Variants in FREM1 observed in about 807,000 individuals in gnomAD.
FREM1 encodes the protein FRAS1 related extracellular matrix 1, also known as FRAS1-related extracellular matrix protein 1.
FREM1 carries 220 observed loss-of-function variants against 210.1 expected under a neutral mutation model. The observed-to-expected ratio is 1.05, with a 90% CI of 0.94 to 1.17. The LOEUF (loss-of-function observed/expected upper bound fraction) is 1.17. FREM1 is among the 50% of genes most tolerant of loss of function. The pLI, the probability that FREM1 is intolerant of heterozygous loss-of-function variation, is 0.00. For synonymous variants in FREM1, 1,189 were observed against 980.2 expected (o/e 1.21, Z -3.98); for missense variants, 3,454 against 2,675.5 (o/e 1.29, Z -6.42).
chr9:14,749,363 G>T (rs1437991557), intron 30 of FREM1, among the ~76,000 whole-genome samples: 3 of 151,974 alleles, frequency 2.0e-5, no homozygotes, highest in African/African-American at 7.3e-5. Context: ...AAAGAGGGGA[G>T]GTCCCATTTT....
Position 14,801,794 on chromosome 9 carries a change from C to T in FREM1, c.3552G>A (p.Leu1184=), listed in dbSNP as rs371506251. 4.5e-5 allele frequency: 73 copies of T among 1,613,874 alleles called. No individual in the cohort carries two copies. Among genetic ancestry groups the T allele is most frequent in the Middle Eastern group, 1.6e-4 (1 of 6,080 alleles). Residue 1184 remains leucine (L), a synonymous_variant, in exon 20 of 37, where the codon CTG becomes CTA. Transcript: ENST00000380880. ...GGCGTGGCTTTTGAGTGATGCTGAA[C>T]AGCAGGGCATCCTGGGGAATGTCCA... is the stretch of plus-strand genomic sequence containing the variant. ...VDLDIPQDAL[L]FSITQKPRHG...
rs1257737002 is a variant in FREM1 at position 14,845,845 on chromosome 9, A to C, written c.1393+115T>G. 3 of 1,052,804 alleles carry C rather than the reference A, an allele frequency of 2.8e-6. No individual in the cohort carries two copies. In the African/African-American group the frequency reaches 4.8e-5, roughly 17 times the overall value. The allele number at this position is 1,052,804 out of a possible 1,614,324, so 65.2% of individuals were successfully genotyped here. ...AAGATCTCCAGATTTTCTGCATTTG[A>C]CAATTTCATTGAGAAATTGGGCCCA... On this transcript the variant is annotated intron_variant, in intron 8 of 36. Transcript: ENST00000380880.
At chr9:14,862,378 C>G (rs1830744149) in intron 3 of FREM1, among the ~76,000 whole-genome samples, 1 of 152,148 alleles carries the variant, frequency 6.6e-6, no homozygotes, top group Non-Finnish European at 1.5e-5. Flanking sequence ...ACCAAATATT[C>G]TTAAAAGCAA....
chr9:14,794,720 C>T (rs188893335), intron 21 of FREM1, among the ~76,000 whole-genome samples: 97 of 152,164 alleles, frequency 6.4e-4, no homozygotes, highest in African/African-American at 2.2e-3. Context: ...GGAGATTGGG[C>T]CGGGCGCAGT....
chr9:14,880,898 A>G (rs1042953945), intron 1 of FREM1, among the ~76,000 whole-genome samples: 7 of 152,202 alleles, frequency 4.6e-5, no homozygotes, highest in African/African-American at 1.7e-4. Flanking sequence ...AAAGTCACCA[A>G]TATAATTAGT....
intron 27 of FREM1, among the ~76,000 whole-genome samples, chr9:14,764,980 A>G (rs747460690): frequency 3.9e-5 from 6 of 152,288 alleles, no homozygotes; most frequent in Non-Finnish European, 7.3e-5. Flanking sequence ...TGCAATAATG[A>G]TAAGTCTGTA....
intron 10 of FREM1, 26 bp downstream of exon 10, chr9:14,841,421 G>A: frequency 6.4e-7 from 1 of 1,551,714 alleles, no homozygotes; most frequent in Non-Finnish European, 8.8e-7. Context: ...AAGACTTTGG[G>A]AAAGTGTTCA....
chr9:14,818,563 T>A (rs1004453712), intron 14 of FREM1, among the ~76,000 whole-genome samples: 2 of 152,338 alleles, frequency 1.3e-5, no homozygotes, highest in African/African-American at 4.8e-5. Flanking sequence ...TGCTTTTGAA[T>A]AGCTTGTATT....
chr9:14,861,062 C>A (rs1428705482), intron 3 of FREM1, among the ~76,000 whole-genome samples: 7 of 67,106 alleles, frequency 1.0e-4, no homozygotes, highest in South Asian at 4.1e-4. Context: ...TACATATATA[C>A]ACATATACAT....
In FREM1 at chr9:14,775,943, G is replaced by A; in HGVS notation, c.4703C>T (p.Thr1568Ile). Residue 1568 changes from threonine (T) to isoleucine (I), a missense_variant, in exon 25 of 37, where the codon ACC becomes ATC. Physicochemically the swap from Thr to Ile is moderately conservative, Grantham distance 89 (BLOSUM62 -1). Coordinates refer to ENST00000380880, the MANE Select transcript of FREM1 (RefSeq NM_001379081.2). ...WGTGLLQHNFTQQDVDSKNVA... is the reference protein window; with the variant it reads ...WGTGLLQHNFIQQDVDSKNVA... ...ATTCTTGCTGTCCACATCCTGCTGG[G>A]TGAAATTGTGTTGAAGTAGCCCTGT... is the stretch of plus-strand genomic sequence containing the variant. The A allele has an allele frequency of 6.2e-7, 1 of 1,613,996 alleles. No individual in the cohort carries two copies. The highest frequency in any genetic ancestry group is 8.5e-7 in the Non-Finnish European group (1 of 1,179,888).
chr9:14,830,271 G>T (rs1013630264), intron 10 of FREM1, among the ~76,000 whole-genome samples: 2 of 152,088 alleles, frequency 1.3e-5, no homozygotes, highest in African/African-American at 4.8e-5. Flanking sequence ...CCAAGGCCAG[G>T]TTTTGTCATT....
intron 29 of FREM1, among the ~76,000 whole-genome samples, chr9:14,751,116 T>A (rs1226480038): frequency 6.6e-6 from 1 of 152,164 alleles, no homozygotes; most frequent in Admixed American, 6.5e-5. Context: ...GATCATAGGA[T>A]ATCCCCTGAG....
rs1172182793 is a variant in FREM1 at position 14,784,461 on chromosome 9, G to A, written c.4351C>T (p.Pro1451Ser). 1 of 1,613,882 alleles carries A rather than the reference G, an allele frequency of 6.2e-7. No individual in the cohort carries two copies. The highest frequency in any genetic ancestry group is 1.7e-5 in the Admixed American group (1 of 60,008). Residue 1451 changes from proline (P) to serine (S), a missense_variant, in exon 24 of 37, where the codon CCC becomes TCC. Transcript: ENST00000380880. ...QIEYVHYPGV[P>S]ITNFSQMDVV... ...TCCATTTGGCTGAAGTTTGTAATGG[G>A]AACTCCAGGATAGTGAACATATTCG...
At chr9:14,815,991 G>A (rs953044318) in intron 15 of FREM1, among the ~76,000 whole-genome samples, 9 of 151,940 alleles carry the variant, frequency 5.9e-5, no homozygotes, top group Non-Finnish European at 1.0e-4. Flanking sequence ...GTCAAGAGGG[G>A]GAAATATGAT....
chr9:14,747,888 A>G (rs1037441758), intron 31 of FREM1, among the ~76,000 whole-genome samples, 160 bp from the exon 32 acceptor site: 11 of 152,252 alleles, frequency 7.2e-5, no homozygotes, highest in Non-Finnish European at 1.6e-4. Context: ...TTCAAAAATC[A>G]CTAGGCCTAA....
chr9:14,883,445 A>C (rs1026705099), intron 1 of FREM1, among the ~76,000 whole-genome samples: 1 of 152,198 alleles, frequency 6.6e-6, no homozygotes, highest in African/African-American at 2.4e-5. Context: ...GGTGTTGGGA[A>C]ACACCAAGTA....
intron 13 of FREM1, among the ~76,000 whole-genome samples, chr9:14,820,495 G>T (rs1821093661): frequency 6.6e-6 from 1 of 152,178 alleles, no homozygotes; most frequent in Non-Finnish European, 1.5e-5. Context: ...GGTAAAGGAG[G>T]ATGACAACAA....
rs1300581278 is a variant in FREM1 at position 14,801,769 on chromosome 9, G to A, written c.3577C>T (p.His1193Tyr). The A allele has an allele frequency of 3.1e-6, 5 of 1,613,858 alleles. No homozygotes were observed. In the South Asian group the frequency reaches 3.3e-5, roughly 11 times the overall value. Reference protein sequence around the residue: ...LLFSITQKPRHGLLIDRGFSK... With the variant: ...LLFSITQKPRYGLLIDRGFSK... Reference sequence around the variant, plus strand: ...AACCCCCTATCGATGAGGAGGCCATGGCGTGGCTTTTGAGTGATGCTGAAC... The same window carrying A: ...AACCCCCTATCGATGAGGAGGCCATAGCGTGGCTTTTGAGTGATGCTGAAC... The change falls in exon 20 of 37, where the codon CAT becomes TAT. Residue 1193 changes from histidine (H) to tyrosine (Y), a missense_variant. Coordinates refer to ENST00000380880, the MANE Select transcript of FREM1 (RefSeq NM_001379081.2).
chr9:14,848,862 A>T (rs1174814293), intron 6 of FREM1, 89 bp from the exon 7 acceptor site: 3 of 690,172 alleles, frequency 4.3e-6, no homozygotes, highest in Non-Finnish European at 7.5e-6. Context: ...CACACAGTGG[A>T]TTCAGTTTTC....
Sources: gnomAD v4.1 joint callset for allele counts (sites outside exome capture counted in the v4.1 genomes callset) on GRCh38, gnomAD v4.1.1 for gene constraint, MANE v1.5 for transcripts, NCBI Gene and HGNC (gene_info 2026-07-23, HGNC 2026-07-21) for gene names.